Variants in YEATS2 observed in about 807,000 individuals in gnomAD.
YEATS2 encodes YEATS domain containing 2.
In YEATS2, 77 loss-of-function variants were observed where a neutral mutation model predicts 163.2. The observed-to-expected ratio is 0.47, with a 90% CI of 0.39 to 0.57. The LOEUF (loss-of-function observed/expected upper bound fraction) is 0.57, where lower values mean the gene tolerates loss of function less well. YEATS2 is among the 20% of genes least tolerant of loss of function. The probability of loss-of-function intolerance (pLI) is 0.00; values close to 1 mark genes in which losing one functional copy is unlikely to be tolerated. For synonymous variants in YEATS2, 631 were observed against 645.1 expected (o/e 0.98, Z 0.33); for missense variants, 1,549 against 1,729.8 (o/e 0.90, Z 1.85).
At chr3:183,760,103 GT>G (rs1721185362) in intron 13 of YEATS2, among the ~76,000 whole-genome samples, 1 of 152,182 alleles carries the variant, frequency 6.6e-6, no homozygotes, top group African/African-American at 2.4e-5. Flanking sequence ...AGGCGAGGCT[GT>G]TCTCTAAGTT....
intron 26 of YEATS2, 197 bp downstream of exon 26, chr3:183,803,532 C>T (rs1725891633): frequency 3.3e-6 from 2 of 609,296 alleles, no homozygotes; most frequent in Non-Finnish European, 5.7e-6. Context: ...GCAGAAACAT[C>T]CCTCACAGTT....
chr3:183,718,585 T>G lies in YEATS2; in HGVS notation c.284T>G (p.Val95Gly), dbSNP rs780560484. The G allele has an allele frequency of 6.2e-7, 1 of 1,611,316 alleles. No homozygotes were observed. The highest frequency in any genetic ancestry group is 1.1e-5 in the South Asian group (1 of 90,352). ...NYYASAGLLK[V>G]SEGSKTCDTM... is the part of the protein sequence containing the mutation. Reference sequence around the variant, plus strand: ...TATGCTTCTGCAGGTCTTCTAAAAGTTTCTGAGGTAAGCATTCCTCATACC... The same window carrying G: ...TATGCTTCTGCAGGTCTTCTAAAAGGTTCTGAGGTAAGCATTCCTCATACC... The change falls in exon 4 of 31, where the codon GTT becomes GGT. Residue 95 changes from valine to glycine, a missense_variant. By Grantham distance (109) the Val-to-Gly change is moderately radical (BLOSUM62 -3). Transcript: ENST00000305135.
At chr3:183,729,426 C>G (rs1717479149) in intron 7 of YEATS2, among the ~76,000 whole-genome samples, 1 of 152,058 alleles carries the variant, frequency 6.6e-6, no homozygotes, top group African/African-American at 2.4e-5. Flanking sequence ...GATACAGATG[C>G]ATATGAAAAT....
At position 183,754,359 on chromosome 3, in the gene YEATS2, G is replaced by T; in HGVS notation, c.1384G>T (p.Val462Leu). The change falls in exon 11 of 31, where the codon GTG becomes TTG. Residue 462 changes from valine (V) to leucine (L), a missense_variant. Coordinates refer to ENST00000305135, the MANE Select transcript of YEATS2 (RefSeq NM_018023.5). ...GCCCATCACCATGAGCTGCAAGATT[G>T]TGTCAGGTATGCAGATGTTTTGAAG... is the stretch of plus-strand genomic sequence containing the variant. ...FQPITMSCKI[V>L]SGSPISTPSP... The T allele has an allele frequency of 1.2e-6, 2 of 1,612,972 alleles. No homozygotes were observed. Among genetic ancestry groups the T allele is most frequent in the Non-Finnish European group, 1.7e-6 (2 of 1,179,062 alleles).
intron 20 of YEATS2, among the ~76,000 whole-genome samples, chr3:183,790,232 G>T (rs2108478794): frequency 6.6e-6 from 1 of 152,340 alleles, no homozygotes; most frequent in Middle Eastern, 3.4e-3. Flanking sequence ...TTCCTAGGCA[G>T]AAGCAGTGCC....
chr3:183,707,678 A>ATTT (rs1176429941), intron 1 of YEATS2, among the ~76,000 whole-genome samples: 1,592 of 106,076 alleles, frequency 0.015, 86 homozygotes, highest in African/African-American at 0.055. Flanking sequence ...TTCCCCACCT[A>ATTT]TTTTTTTTTT....
intron 19 of YEATS2, among the ~76,000 whole-genome samples, chr3:183,784,965 C>T (rs922878819): frequency 6.6e-6 from 1 of 151,708 alleles, no homozygotes; most frequent in Admixed American, 6.6e-5. Context: ...CGCAGCTACT[C>T]GGGAGGCTGA....
chr3:183,754,474 G>A, intron 11 of YEATS2, 109 bp downstream of exon 11: 2 of 1,397,360 alleles, frequency 1.4e-6, no homozygotes, highest in Admixed American at 2.5e-5. Context: ...CTTCTAAGCA[G>A]TGTTATGTTT....
chr3:183,738,130 C>G (rs992953037), intron 8 of YEATS2, among the ~76,000 whole-genome samples: 3 of 152,124 alleles, frequency 2.0e-5, no homozygotes, highest in Non-Finnish European at 4.4e-5. Context: ...CTGACTGTTC[C>G]AGCAACCAGT....
chr3:183,801,655 C>A, intron 25 of YEATS2, 127 bp downstream of exon 25: 2 of 666,556 alleles, frequency 3.0e-6, no homozygotes, highest in Non-Finnish European at 4.8e-6. Flanking sequence ...AAGGTTTCAG[C>A]TAGAGATACA....
chr3:183,756,735 T>C, intron 12 of YEATS2, 46 bp downstream of exon 12: 1 of 1,328,508 alleles, frequency 7.5e-7, no homozygotes, highest in Non-Finnish European at 9.7e-7. Flanking sequence ...GTTTGATCTT[T>C]ATTAAAAATG....
chr3:183,718,421 T>G, intron 3 of YEATS2, 79 bp from the exon 4 acceptor site: 1 of 1,088,956 alleles, frequency 9.2e-7, no homozygotes, highest in Non-Finnish European at 1.3e-6. Flanking sequence ...CTCATTCACG[T>G]TTCTTATTTT....
intron 9 of YEATS2, 98 bp from the exon 10 acceptor site, chr3:183,751,975 A>C (rs1036608657): frequency 1.3e-5 from 18 of 1,334,640 alleles, no homozygotes; most frequent in Middle Eastern, 1.8e-4. Context: ...ATTAGAAGTT[A>C]TCTCTCACAT....
intron 28 of YEATS2, chr3:183,807,393 T>TCA (rs1438408128): frequency 1.4e-5 from 5 of 345,398 alleles, no homozygotes; most frequent in Non-Finnish European, 2.7e-5. Flanking sequence ...TGATTACTCT[T>TCA]CATCTTGTTT....
At position 183,762,202 on chromosome 3, in the gene YEATS2, A is replaced by G. The variant is rs1358032354; in HGVS notation, c.1870A>G (p.Ile624Val). 1.2e-6 allele frequency: 2 copies of G among 1,614,196 alleles called. No homozygotes were observed. The highest frequency in any genetic ancestry group is 1.7e-6 in the Non-Finnish European group (2 of 1,180,032). Residue 624 changes from isoleucine (I) to valine (V), a missense_variant, in exon 15 of 31, where the codon ATA (isoleucine) becomes GTA (valine). Transcript: ENST00000305135. ...QYVTVKGGHM[I>V]AVSPQKQVIT... is the part of the protein sequence containing the mutation. ...TGTGACTGTGAAAGGGGGTCACATG[A>G]TAGCTGTGTCCCCTCAAAAACAGGT...
chr3:183,795,721 A>C (rs1056352464), intron 21 of YEATS2, among the ~76,000 whole-genome samples: 2 of 152,110 alleles, frequency 1.3e-5, no homozygotes, highest in Non-Finnish European at 2.9e-5. Flanking sequence ...GGCTATATTT[A>C]GTTATAAGCC....
intron 13 of YEATS2, among the ~76,000 whole-genome samples, chr3:183,759,860 C>G (rs927486595): frequency 6.6e-6 from 1 of 152,222 alleles, no homozygotes; most frequent in African/African-American, 2.4e-5. Context: ...TAACCCCATC[C>G]TAAGTCGGGG....
chr3:183,800,196 G>A (rs1725539823), intron 23 of YEATS2, among the ~76,000 whole-genome samples: 1 of 152,150 alleles, frequency 6.6e-6, no homozygotes, highest in Non-Finnish European at 1.5e-5. Context: ...AGCAGTGTGG[G>A]TGGCCCTTTA....
chr3:183,790,844 G>A lies in YEATS2; in HGVS notation c.2961G>A (p.Thr987=), dbSNP rs777735395. 11 of 1,614,010 alleles carry A rather than the reference G, an allele frequency of 6.8e-6. No individual in the cohort carries two copies. The highest frequency in any genetic ancestry group is 2.2e-5 in the East Asian group (1 of 44,884). Residue 987 remains threonine (T), a synonymous_variant, in exon 21 of 31, where the codon ACG becomes ACA. Coordinates refer to ENST00000305135, the MANE Select transcript of YEATS2 (RefSeq NM_018023.5). ...PVSSSTVSSV[T]KTSGQQQVCV... ...CTTCATCTACGGTCAGTTCTGTAAC[G>A]AAAACTTCTGGGCAGCAGCAAGTGT... is the stretch of plus-strand genomic sequence containing the variant.
Sources: gnomAD v4.1 joint callset for allele counts (sites outside exome capture counted in the v4.1 genomes callset) on GRCh38, gnomAD v4.1.1 for gene constraint, MANE v1.5 for transcripts, NCBI Gene and HGNC (gene_info 2026-07-23, HGNC 2026-07-21) for gene names.